Variants in ADGRB2 observed in about 807,000 individuals in gnomAD.
ADGRB2 encodes adhesion G protein-coupled receptor B2.
ADGRB2 carries 47 observed loss-of-function variants against 178.7 expected under a neutral mutation model. That is an observed-to-expected ratio of 0.26 (90% CI 0.21 to 0.34). ADGRB2 has a LOEUF of 0.34. Ranked by LOEUF, ADGRB2 falls within the 10% of genes least tolerant of loss-of-function variation. The probability of loss-of-function intolerance (pLI) is 1.00; values close to 1 mark genes in which losing one functional copy is unlikely to be tolerated. For missense variants in ADGRB2, 1,584 were observed against 2,180.8 expected (o/e 0.73, Z 5.45); for synonymous variants, 870 against 912.4 (o/e 0.95, Z 0.84).
Position 31,755,498 on chromosome 1 carries a change from G to A in ADGRB2, c.838+501C>T, listed in dbSNP as rs192428737. ...CCTTGCCTCTCTCTGCCCTGACCCCGGGGCAACTGCCAAAACTCACTGACC... is the reference window on the plus strand; with the variant it reads ...CCTTGCCTCTCTCTGCCCTGACCCCAGGGCAACTGCCAAAACTCACTGACC... On this transcript the variant is annotated intron_variant, in intron 4 of 32. Transcript: ENST00000373658. The surrounding 1 kb of genome is among the most constrained non-coding windows in gnomAD (Gnocchi z 5.1). Among the ~76,000 whole-genome samples the A allele has an allele frequency of 1.4e-4, 22 of 152,162 alleles. No individual in the cohort carries two copies. The South Asian group carries it at 2.3e-3, about 16-fold the overall frequency.
Position 31,733,299 on chromosome 1 carries a change from G to A in ADGRB2, c.3453-156C>T, listed in dbSNP as rs537667659. ...TAATGTCCCCAAGCAGAGAGGGGCT[G>A]AGGAGCCAGAGCCAGAGAAACAGAA... is the stretch of plus-strand genomic sequence containing the variant. On this transcript the variant is annotated intron_variant, in intron 25 of 32. Coordinates refer to ENST00000373658, the MANE Select transcript of ADGRB2 (RefSeq NM_001364857.2). This position sits in a 1 kb window ranked among gnomAD's most constrained non-coding sequence, Gnocchi z 4.3. Among the ~76,000 whole-genome samples, 54 of 152,318 alleles carry A rather than the reference G, an allele frequency of 3.5e-4. No homozygotes were observed. Among genetic ancestry groups the A allele is most frequent in the African/African-American group, 1.1e-3 (46 of 41,558 alleles).
rs1222407908 is a variant in ADGRB2 at position 31,744,187 on chromosome 1, G to A, written c.1087+6C>T. 6.6e-7 allele frequency: 1 copy of A among 1,524,890 alleles called. No individual in the cohort carries two copies. Among genetic ancestry groups the A allele is most frequent in the South Asian group, 1.2e-5 (1 of 82,600 alleles). 94.5% of individuals were successfully genotyped at this position (1,524,890 alleles called of 1,614,324 possible). On this transcript the variant is annotated splice_donor_region_variant and intron_variant, in intron 6 of 32. Coordinates refer to ENST00000373658, the MANE Select transcript of ADGRB2 (RefSeq NM_001364857.2). The surrounding 1 kb of genome is among the most constrained non-coding windows in gnomAD (Gnocchi z 6.7). ...GCAGGTGGGGTGGGGAGGAGGATGG[G>A]CCTACCTGGGCAGGTGGCTGAATTG... is the stretch of plus-strand genomic sequence containing the variant.
Position 31,740,582 on chromosome 1 carries a change from A to G in ADGRB2, c.1795-41T>C. 6.5e-7 allele frequency: 1 copy of G among 1,528,808 alleles called. No individual in the cohort carries two copies. Among genetic ancestry groups the G allele is most frequent in the African/African-American group, 1.4e-5 (1 of 72,900 alleles). 94.7% of individuals were successfully genotyped at this position (1,528,808 alleles called of 1,614,324 possible). A position where few individuals can be genotyped will look rare whatever the true frequency, so the allele number is the denominator to read the frequency against. On this transcript the variant is annotated intron_variant, in intron 11 of 32. Coordinates refer to ENST00000373658, the MANE Select transcript of ADGRB2 (RefSeq NM_001364857.2). The surrounding 1 kb of genome is among the most constrained non-coding windows in gnomAD (Gnocchi z 5.9). ...GGGCCACAGTCACTGAAGTGTCAGG[A>G]GCTGGAACCAGACCCTGGCCCATCC...
intron 4 of ADGRB2, among the ~76,000 whole-genome samples, chr1:31,752,146 C>T (rs146786153): frequency 1.1e-3 from 168 of 152,286 alleles, no homozygotes; most frequent in Non-Finnish European, 2.1e-3. Context: ...CCTCCCCCAC[C>T]GGTGGGCAGA....
In ADGRB2 at chr1:31,732,829, T is replaced by C. The variant is rs1053521450; in HGVS notation, c.3624+143A>G. The C allele has an allele frequency of 9.6e-6, 12 of 1,247,918 alleles. No homozygotes were observed. In the African/African-American group the frequency reaches 1.5e-4, roughly 16 times the overall value. The allele number at this position is 1,247,918 out of a possible 1,614,324, so 77.3% of individuals were successfully genotyped here. On this transcript the variant is annotated intron_variant, in intron 26 of 32. Transcript: ENST00000373658. ...GGACAGTTGCGGGTACCCCGGGCTA[T>C]CAGCTTCCACAGTAAGGGCTGCCCA... is the stretch of plus-strand genomic sequence containing the variant.
chr1:31,762,393 C>T (rs1410857521), intron 1 of ADGRB2, among the ~76,000 whole-genome samples: 2 of 152,086 alleles, frequency 1.3e-5, no homozygotes, highest in African/African-American at 4.8e-5. Context: ...AGGTGGATTC[C>T]CCCACAACCG....
At position 31,756,396 on chromosome 1, in the gene ADGRB2, G is replaced by C. The variant is rs755549860; in HGVS notation, c.441C>G (p.Pro147=). 3.7e-6 allele frequency: 6 copies of C among 1,612,994 alleles called. No homozygotes were observed. The highest frequency in any genetic ancestry group is 5.1e-6 in the Non-Finnish European group (6 of 1,179,938). ...TCTTGTCGAAGTGCAGGAAGGTAAA[G>C]GGGCCTGAGCCGCTGCACAGCTCCA... is the stretch of plus-strand genomic sequence containing the variant. ...AGLELCSGSG[P]FTFLHFDKNF... Residue 147 remains proline (P), a synonymous_variant, in exon 4 of 33, where the codon CCC becomes CCG. Coordinates refer to ENST00000373658, the MANE Select transcript of ADGRB2 (RefSeq NM_001364857.2). This position sits in a 1 kb window ranked among gnomAD's most constrained non-coding sequence, Gnocchi z 8.5.
At chr1:31,729,477 C>T (rs1645166920) in intron 29 of ADGRB2, among the ~76,000 whole-genome samples, 1 of 152,212 alleles carries the variant, frequency 6.6e-6, no homozygotes, top group Admixed American at 6.5e-5. Context: ...GGCACTCACA[C>T]TCTGCCCCGG....
Position 31,738,886 on chromosome 1 carries a change from AG to A in ADGRB2, c.2546del (p.Pro849LeufsTer69). On this transcript the variant is annotated frameshift_variant, in exon 16 of 33. Transcript: ENST00000373658. LOFTEE classifies it high-confidence loss of function. ...TGAGGGGCTCAGCTGGAGGCTGGGT[AG>A]GGGGGCGCACAGTCACTGTCATCAC... ...SRVMTVTVRP[P>X]TQPPAEPLIT... 1 of 1,613,806 alleles carries A rather than the reference AG, an allele frequency of 6.2e-7. No individual in the cohort carries two copies. Among genetic ancestry groups the A allele is most frequent in the East Asian group, 2.2e-5 (1 of 44,882 alleles).
intron 29 of ADGRB2, 139 bp downstream of exon 29, chr1:31,730,661 A>G: frequency 8.5e-7 from 1 of 1,182,830 alleles, no homozygotes; most frequent in Non-Finnish European, 1.1e-6. Flanking sequence ...ATGAGCAGAA[A>G]CAGAGAAATG....
rs1646875350 is a variant in ADGRB2, at chr1:31,757,061, G to T, written c.21+140C>A. The T allele has an allele frequency of 4.2e-6, 6 of 1,424,910 alleles. No homozygotes were observed. In the African/African-American group the frequency reaches 5.6e-5, roughly 13 times the overall value. 88.3% of individuals were successfully genotyped at this position (1,424,910 alleles called of 1,614,324 possible). Reference sequence around the variant, plus strand: ...TCCTACAAGGGTGAAATAAGTAAGGGAAAGGACTCGCGAGAGTGCCTGGAA... The same window carrying T: ...TCCTACAAGGGTGAAATAAGTAAGGTAAAGGACTCGCGAGAGTGCCTGGAA... On this transcript the variant is annotated intron_variant, in intron 3 of 32. Coordinates refer to ENST00000373658, the MANE Select transcript of ADGRB2 (RefSeq NM_001364857.2).
rs1339291987 is a variant in ADGRB2, at chr1:31,740,268, A to C, written c.1989+79T>G. On this transcript the variant is annotated intron_variant, in intron 12 of 32. Transcript: ENST00000373658. The surrounding 1 kb of genome is among the most constrained non-coding windows in gnomAD (Gnocchi z 5.9). ...TAGCCACACTTGCCGCCTCTACAGC[A>C]GACTCTGCCTAGGGGCCTGGCCTCC... 2 of 1,606,996 alleles carry C rather than the reference A, an allele frequency of 1.2e-6. No individual in the cohort carries two copies. Among genetic ancestry groups the C allele is most frequent in the Admixed American group, 1.7e-5 (1 of 59,390 alleles).
At chr1:31,732,404 C>A in intron 27 of ADGRB2, 113 bp downstream of exon 27, 1 of 1,341,642 alleles carries the variant, frequency 7.5e-7, no homozygotes, top group East Asian at 2.5e-5. Flanking sequence ...GAATCAAACC[C>A]AATCCCTGTC....
In ADGRB2 at chr1:31,754,989, A is replaced by G. The variant is rs962163870; in HGVS notation, c.838+1010T>C. 2.0e-5 allele frequency among the ~76,000 whole-genome samples: 3 copies of G among 152,238 alleles called. No homozygotes were observed. Among genetic ancestry groups the G allele is most frequent in the African/African-American group, 7.2e-5 (3 of 41,528 alleles). On this transcript the variant is annotated intron_variant, in intron 4 of 32. Coordinates refer to ENST00000373658, the MANE Select transcript of ADGRB2 (RefSeq NM_001364857.2). This position sits in a 1 kb window ranked among gnomAD's most constrained non-coding sequence, Gnocchi z 5.7. The stretch of plus-strand genomic sequence containing the variant: ...AATCCAGATGCCCTTTCCATCCTCT[A>G]TCCCTGCATCCTTGATCCTCATGAG...
rs1216092463 is a variant in ADGRB2 at position 31,753,455 on chromosome 1, C to A, written c.838+2544G>T. On this transcript the variant is annotated intron_variant, in intron 4 of 32. Transcript: ENST00000373658. This position sits in a 1 kb window ranked among gnomAD's most constrained non-coding sequence, Gnocchi z 4.1. ...CCCCAGCCCAGTGCTCTTCCGGTAC[C>A]AGCCCAAGCCCACCCTGCTAGGCCT... 1.6e-4 allele frequency among the ~76,000 whole-genome samples: 25 copies of A among 152,346 alleles called. No individual in the cohort carries two copies. The highest frequency in any genetic ancestry group is 1.6e-3 in the Admixed American group (25 of 15,310).
rs1646739587 is a variant in ADGRB2 at position 31,754,564 on chromosome 1, C to T, written c.838+1435G>A. 1.3e-5 allele frequency among the ~76,000 whole-genome samples: 2 copies of T among 152,364 alleles called. No homozygotes were observed. The highest frequency in any genetic ancestry group is 1.3e-4 in the Admixed American group (2 of 15,312). ...GCCAGCCTCCAGGGCCTGTAACCTACCCGCGGCCCGGCTGTCACTCGGACG... is the reference window on the plus strand; with the variant it reads ...GCCAGCCTCCAGGGCCTGTAACCTATCCGCGGCCCGGCTGTCACTCGGACG... On this transcript the variant is annotated intron_variant, in intron 4 of 32. Transcript: ENST00000373658. This position sits in a 1 kb window ranked among gnomAD's most constrained non-coding sequence, Gnocchi z 5.7.
rs1390645927 is a variant in ADGRB2 at position 31,753,715 on chromosome 1, C to T, written c.838+2284G>A. Among the ~76,000 whole-genome samples the T allele has an allele frequency of 2.0e-5, 3 of 152,250 alleles. No homozygotes were observed. The highest frequency in any genetic ancestry group is 7.2e-5 in the African/African-American group (3 of 41,458). ...AGGCTCGGCAAAGGTGGTGCTGCCA[C>T]AAGGCACAGACGGTGCCACGGACCC... On this transcript the variant is annotated intron_variant, in intron 4 of 32. Transcript: ENST00000373658. This position sits in a 1 kb window ranked among gnomAD's most constrained non-coding sequence, Gnocchi z 4.1.
Position 31,732,969 on chromosome 1 carries a change from C to T in ADGRB2, c.3624+3G>A, listed in dbSNP as rs1292377469. On this transcript the variant is annotated splice_donor_region_variant and intron_variant, in intron 26 of 32. Transcript: ENST00000373658. ...CACACAGGCGGGAGAGGCCCAGCCC[C>T]ACCTCTCGGCGCAGGAAGCAGTGCA... The T allele has an allele frequency of 1.3e-6, 2 of 1,552,204 alleles. No individual in the cohort carries two copies. Among genetic ancestry groups the T allele is most frequent in the Non-Finnish European group, 1.7e-6 (2 of 1,147,926 alleles).
intron 29 of ADGRB2, among the ~76,000 whole-genome samples, chr1:31,729,965 T>G (rs1328273644): frequency 6.6e-6 from 1 of 152,258 alleles, no homozygotes; most frequent in Non-Finnish European, 1.5e-5. Flanking sequence ...AACTTAATTT[T>G]CGTCTTGTGG....
Sources: gnomAD v4.1 joint callset for allele counts (sites outside exome capture counted in the v4.1 genomes callset) on GRCh38, gnomAD v4.1.1 for gene constraint, Gnocchi (gnomAD v3.1) non-coding constraint, MANE v1.5 for transcripts, NCBI Gene and HGNC (gene_info 2026-07-23, HGNC 2026-07-21) for gene names.